The following WDR7 variants were observed in gnomAD, a reference collection of about 807,000 sequenced individuals.
WDR7 encodes WD repeat domain 7.
WDR7 carries 46 observed loss-of-function variants against 169.4 expected under a neutral mutation model. That is an observed-to-expected ratio of 0.27 (90% CI 0.21 to 0.35). The LOEUF (loss-of-function observed/expected upper bound fraction) is 0.35. Ranked by LOEUF, WDR7 falls within the 10% of genes least tolerant of loss-of-function variation. The pLI is 1.00. For synonymous variants in WDR7, 612 were observed against 666.8 expected, an observed-to-expected ratio of 0.92 and a Z score of 1.27; for missense variants, 1,534 against 1,859.3, an observed-to-expected ratio of 0.83 and a Z score of 3.22.
intron 25 of WDR7, among the ~76,000 whole-genome samples, chr18:56,948,259 C>G (rs1288462197): frequency 6.6e-6 from 1 of 152,096 alleles, no homozygotes; most frequent in Non-Finnish European, 1.5e-5. Flanking sequence ...GTAGAGGACT[C>G]CAACTAGCCA....
intron 19 of WDR7, among the ~76,000 whole-genome samples, chr18:56,804,364 TCAAA>T (rs2044730193): frequency 6.6e-6 from 1 of 152,162 alleles, no homozygotes; most frequent in Non-Finnish European, 1.5e-5. Context: ...ATTCAAAAGA[TCAAA>T]ATCCTGAAAA....
chr18:56,791,144 TG>T (rs2044479346), intron 19 of WDR7, among the ~76,000 whole-genome samples: 1 of 148,138 alleles, frequency 6.8e-6, no homozygotes, highest in East Asian at 2.0e-4. Context: ...ACAGGGTTTT[TG>T]TGTGTGTGTG....
intron 26 of WDR7, among the ~76,000 whole-genome samples, chr18:56,977,609 C>G (rs2047586176): frequency 6.6e-6 from 1 of 152,188 alleles, no homozygotes; most frequent in African/African-American, 2.4e-5. Context: ...TGAATGTTTA[C>G]TTAAGTAATT....
chr18:56,918,812 T>G (rs2046668561), intron 21 of WDR7, among the ~76,000 whole-genome samples: 1 of 152,236 alleles, frequency 6.6e-6, no homozygotes, highest in Admixed American at 6.5e-5. Flanking sequence ...AAAGTAATTT[T>G]CAACATTTAC....
intron 20 of WDR7, among the ~76,000 whole-genome samples, chr18:56,832,809 C>T (rs1444481624): frequency 2.0e-5 from 3 of 152,044 alleles, no homozygotes; most frequent in Non-Finnish European, 4.4e-5. Context: ...AAAAAGAACA[C>T]CCACACAAAA....
chr18:56,900,556 C>G (rs1302757242), intron 21 of WDR7, among the ~76,000 whole-genome samples: 1 of 152,160 alleles, frequency 6.6e-6, no homozygotes, highest in South Asian at 2.1e-4. Context: ...ACTACCTCGT[C>G]TAGGGTGCGG....
At chr18:56,766,414 G>A (rs12958063) in intron 16 of WDR7, among the ~76,000 whole-genome samples, 13,319 of 151,922 alleles carry the variant, frequency 0.088, 696 homozygotes, top group East Asian at 0.19. Flanking sequence ...CACCTATCAC[G>A]GTGCTCTTTT....
chr18:56,888,363 G>A (rs1037493078), intron 21 of WDR7, among the ~76,000 whole-genome samples: 1 of 152,212 alleles, frequency 6.6e-6, no homozygotes, highest in African/African-American at 2.4e-5. Flanking sequence ...GTGCCCTTGG[G>A]TAAGCTATGT....
chr18:56,872,771 C>T (rs1179212125), intron 20 of WDR7: 1 of 151,908 alleles, frequency 6.6e-6, no homozygotes, highest in African/African-American at 2.4e-5. Flanking sequence ...CCATGTCACC[C>T]CTTAGCATGA....
At chr18:56,676,356 C>T (rs1246722532) in intron 2 of WDR7, among the ~76,000 whole-genome samples, 1 of 152,144 alleles carries the variant, frequency 6.6e-6, no homozygotes, top group Non-Finnish European at 1.5e-5. Context: ...GAGTTTAGTC[C>T]ATTTACATTC....
At chr18:56,865,001 TC>T (rs201875614) in intron 20 of WDR7, among the ~76,000 whole-genome samples, 1 of 152,028 alleles carries the variant, frequency 6.6e-6, no homozygotes, top group South Asian at 2.1e-4. Flanking sequence ...TACATTGATA[TC>T]CTTTTTACTA....
At chr18:57,012,088 T>C (rs1463111534) in intron 26 of WDR7, among the ~76,000 whole-genome samples, 1 of 152,092 alleles carries the variant, frequency 6.6e-6, no homozygotes, top group African/African-American at 2.4e-5. Context: ...CCTGGGTATC[T>C]GGGGAAATCA....
chr18:56,787,459 A>T (rs969177639), intron 19 of WDR7, among the ~76,000 whole-genome samples: 4 of 152,244 alleles, frequency 2.6e-5, no homozygotes, highest in Admixed American at 2.0e-4. Context: ...TAATTTGCAA[A>T]TGTATCATCT....
rs554856901 is a variant in WDR7, at chr18:56,819,652, A to C, written c.3304+3508A>C. ...ATTCAAACCTATTACATTCAATATT[A>C]AACCTATTACATTCAATATTAAAAC... On this transcript the variant is annotated intron_variant, in intron 20 of 27. Coordinates refer to ENST00000254442, the MANE Select transcript of WDR7 (RefSeq NM_015285.3). Among the ~76,000 whole-genome samples, 3 of 152,310 alleles carry C rather than the reference A, an allele frequency of 2.0e-5. No individual in the cohort carries two copies. In the East Asian group the frequency reaches 5.8e-4, roughly 29 times the overall value.
intron 19 of WDR7, among the ~76,000 whole-genome samples, chr18:56,798,232 A>G (rs927776288): frequency 6.6e-6 from 1 of 152,194 alleles, no homozygotes; most frequent in African/African-American, 2.4e-5. Flanking sequence ...GCACATTTCT[A>G]TCAATAATAG....
At chr18:56,890,090 A>G (rs971043775) in intron 21 of WDR7, among the ~76,000 whole-genome samples, 4 of 152,202 alleles carry the variant, frequency 2.6e-5, no homozygotes, top group Non-Finnish European at 4.4e-5. Flanking sequence ...AAAGAAGGCC[A>G]TTAAATAAAA....
At chr18:56,785,483 GCTC>G (rs923616045) in intron 19 of WDR7, among the ~76,000 whole-genome samples, 1 of 152,122 alleles carries the variant, frequency 6.6e-6, no homozygotes, top group Non-Finnish European at 1.5e-5. Flanking sequence ...AATCTTGGCA[GCTC>G]CTAACTTAAA....
intron 19 of WDR7, among the ~76,000 whole-genome samples, chr18:56,786,594 T>C (rs2044404912): frequency 6.6e-6 from 1 of 152,154 alleles, no homozygotes; most frequent in East Asian, 1.9e-4. Context: ...TGTGAGAATT[T>C]TGTTTCAGAT....
At chr18:56,754,372 CGT>C (rs2043847342) in intron 14 of WDR7, among the ~76,000 whole-genome samples, 1 of 145,122 alleles carries the variant, frequency 6.9e-6, no homozygotes, top group African/African-American at 2.6e-5. Context: ...TATATATACA[CGT>C]ATATATGTGT....
Sources: allele counts gnomAD v4.1 joint callset (sites outside exome capture counted in the v4.1 genomes callset), GRCh38; gene constraint gnomAD v4.1.1; transcripts MANE v1.5; gene names NCBI Gene and HGNC (gene_info 2026-07-23, HGNC 2026-07-21).